Variants in XPR1 observed in about 807,000 individuals in gnomAD.
XPR1 encodes the protein xenotropic and polytropic retrovirus receptor 1.
Under a neutral mutation model 87.5 loss-of-function variants are expected in XPR1, and 28 were observed. The ratio of observed to expected loss-of-function variants is 0.32; its 90% CI spans 0.24 to 0.44. XPR1 has a LOEUF of 0.44. XPR1 is among the 20% of genes least tolerant of loss of function. XPR1 has a pLI of 1.00. For missense variants in XPR1, 559 were observed against 862.3 expected (o/e 0.65, Z 4.41); for synonymous variants, 300 against 306.1 (o/e 0.98, Z 0.21).
At chr1:180,785,401 C>T (rs1237292244) in intron 2 of XPR1, among the ~76,000 whole-genome samples, 1 of 151,986 alleles carries the variant, frequency 6.6e-6, no homozygotes, top group East Asian at 1.9e-4. Flanking sequence ...CAGGTGATCC[C>T]TCTGCCTTGG....
chr1:180,780,124 CAT>C (rs1339742857), intron 2 of XPR1, among the ~76,000 whole-genome samples: 1 of 152,198 alleles, frequency 6.6e-6, no homozygotes, highest in East Asian at 1.9e-4. Flanking sequence ...TCTGAACATT[CAT>C]ATATGAGTTT....
At chr1:180,882,014 G>T (rs1489073396) in intron 14 of XPR1, among the ~76,000 whole-genome samples, 1 of 152,206 alleles carries the variant, frequency 6.6e-6, no homozygotes, top group Non-Finnish European at 1.5e-5. Flanking sequence ...TGAGATAAGT[G>T]CCACAAAGGG....
chr1:180,766,276 T>TG (rs1462996311), intron 2 of XPR1, among the ~76,000 whole-genome samples: 1 of 152,154 alleles, frequency 6.6e-6, no homozygotes, highest in Non-Finnish European at 1.5e-5. Context: ...CTGTACAGAT[T>TG]GGTGCTGATG....
chr1:180,847,470 G>A (rs557532816), intron 11 of XPR1, among the ~76,000 whole-genome samples: 1 of 152,216 alleles, frequency 6.6e-6, no homozygotes, highest in South Asian at 2.1e-4. Flanking sequence ...GGTTAATTTA[G>A]CCACTTACTA....
intron 1 of XPR1, among the ~76,000 whole-genome samples, chr1:180,678,115 C>T (rs1402578294): frequency 6.6e-6 from 1 of 152,166 alleles, no homozygotes; most frequent in Non-Finnish European, 1.5e-5. Context: ...ATGCATAGTG[C>T]AAGATGTTAG....
chr1:180,781,012 G>A (rs559792541), intron 2 of XPR1, among the ~76,000 whole-genome samples: 5 of 152,026 alleles, frequency 3.3e-5, no homozygotes, highest in Admixed American at 2.0e-4. Context: ...CCCCATCTGA[G>A]GTCAGGAAGA....
chr1:180,663,338 T>C (rs917544954), intron 1 of XPR1, among the ~76,000 whole-genome samples: 3 of 152,260 alleles, frequency 2.0e-5, no homozygotes, highest in Admixed American at 6.5e-5. Flanking sequence ...GCATCTGTTA[T>C]CTGCATTAGG....
intron 1 of XPR1, among the ~76,000 whole-genome samples, chr1:180,640,302 C>T (rs773604655): frequency 2.0e-5 from 3 of 152,046 alleles, no homozygotes; most frequent in Admixed American, 1.3e-4. Context: ...ATTTTTTGAG[C>T]GCTTACTGTA....
At chr1:180,856,085 C>A (rs1454746390) in intron 11 of XPR1, among the ~76,000 whole-genome samples, 1 of 152,176 alleles carries the variant, frequency 6.6e-6, no homozygotes, top group Non-Finnish European at 1.5e-5. Context: ...CTGGTCTAGT[C>A]TTTTTTCCTT....
chr1:180,853,052 T>G (rs1484032711), intron 11 of XPR1, among the ~76,000 whole-genome samples: 1 of 152,132 alleles, frequency 6.6e-6, no homozygotes, highest in Non-Finnish European at 1.5e-5. Flanking sequence ...TGCCTCAGCC[T>G]CCCAAGTAGC....
chr1:180,741,400 G>A (rs868670718), intron 2 of XPR1, among the ~76,000 whole-genome samples: 3 of 151,574 alleles, frequency 2.0e-5, no homozygotes, highest in Non-Finnish European at 2.9e-5. Context: ...TCCTGATCTC[G>A]GGTGATCCAC....
At chr1:180,757,210 A>G (rs1647781964) in intron 2 of XPR1, among the ~76,000 whole-genome samples, 1 of 152,202 alleles carries the variant, frequency 6.6e-6, no homozygotes, top group South Asian at 2.1e-4. Context: ...GTGACATTTC[A>G]ACAATAAGTA....
At chr1:180,857,626 A>G (rs1029770783) in intron 11 of XPR1, among the ~76,000 whole-genome samples, 4 of 152,054 alleles carry the variant, frequency 2.6e-5, no homozygotes, top group Non-Finnish European at 5.9e-5. Flanking sequence ...TTCCTTTTCT[A>G]TGCACAGTTC....
At chr1:180,682,300 A>T (rs998390954) in intron 1 of XPR1, 60 bp from the exon 2 acceptor site, 15 of 1,368,312 alleles carry the variant, frequency 1.1e-5, no homozygotes, top group East Asian at 2.5e-5. Context: ...TTAGCTTCAG[A>T]TACATTCAGT....
chr1:180,709,399 T>C (rs1469536570), intron 2 of XPR1, among the ~76,000 whole-genome samples: 1 of 152,208 alleles, frequency 6.6e-6, no homozygotes. Flanking sequence ...ATAGTGAACA[T>C]ATCCATCACC....
intron 3 of XPR1, among the ~76,000 whole-genome samples, chr1:180,789,406 A>G (rs899491035): frequency 5.3e-5 from 8 of 151,884 alleles, no homozygotes; most frequent in African/African-American, 1.9e-4. Context: ...CCTCTCCTCT[A>G]AAATACTAAA....
intron 2 of XPR1, among the ~76,000 whole-genome samples, chr1:180,704,839 T>TTTTTTTTTC (rs1657504720): frequency 6.9e-6 from 1 of 145,490 alleles, no homozygotes; most frequent in Non-Finnish European, 1.5e-5. Context: ...TTTTTTTTTT[T>TTTTTTTTTC]AAGTAATAAT....
chr1:180,820,586 G>C (rs573582004), intron 7 of XPR1, among the ~76,000 whole-genome samples: 1 of 152,300 alleles, frequency 6.6e-6, no homozygotes, highest in East Asian at 1.9e-4. Flanking sequence ...TTAGGAACAT[G>C]CATAAACATG....
chr1:180,883,968 A>G (rs1282775369), intron 14 of XPR1, 38 bp from the exon 15 acceptor site: 5 of 1,587,824 alleles, frequency 3.1e-6, no homozygotes, highest in Admixed American at 1.7e-5. Flanking sequence ...TATTTGGGTA[A>G]TGGACTAAGT....
Sources: allele counts gnomAD v4.1 joint callset (sites outside exome capture counted in the v4.1 genomes callset), GRCh38; gene constraint gnomAD v4.1.1; transcripts MANE v1.5; gene names NCBI Gene and HGNC (gene_info 2026-07-23, HGNC 2026-07-21).